The following FBRSL1 variants were observed in gnomAD, a reference collection of about 807,000 sequenced individuals.
FBRSL1 encodes fibrosin like 1.
In FBRSL1, 51 loss-of-function variants were observed where a neutral mutation model predicts 89.6. The observed-to-expected ratio is 0.57, with a 90% CI of 0.45 to 0.72. The LOEUF (loss-of-function observed/expected upper bound fraction) is 0.72. Ranked by LOEUF, FBRSL1 falls within the 30% of genes least tolerant of loss-of-function variation. The pLI, the probability that FBRSL1 is intolerant of heterozygous loss-of-function variation, is 0.00. For missense variants in FBRSL1, 1,618 were observed against 1,451.8 expected (o/e 1.11, Z -1.86); for synonymous variants, 779 against 681.1 (o/e 1.14, Z -2.24).
At chr12:132,503,747 G>T (rs567881323) in intron 1 of FBRSL1, among the ~76,000 whole-genome samples, 7 of 152,364 alleles carry the variant, frequency 4.6e-5, no homozygotes, top group South Asian at 4.1e-4. Flanking sequence ...CAGGTGCTCT[G>T]CAGGGAGAGC....
intron 1 of FBRSL1, among the ~76,000 whole-genome samples, chr12:132,501,224 C>T (rs933831832): frequency 5.9e-5 from 9 of 152,216 alleles, no homozygotes; most frequent in African/African-American, 1.9e-4. Context: ...CCCTACCAGC[C>T]CCTAGCCCCA....
rs780319444 is a variant in FBRSL1 at position 132,582,285 on chromosome 12, C to T, written c.2201+19C>T. The T allele has an allele frequency of 2.3e-5, 36 of 1,546,246 alleles. No homozygotes were observed. The highest frequency in any genetic ancestry group is 1.7e-4 in the Middle Eastern group (1 of 6,002). ...AGGAACGGTGAGTGGCCCTCTTGTT[C>T]CGTATCCCCACCACACACCCCTACC... On this transcript the variant is annotated intron_variant, in intron 18 of 18. Transcript: ENST00000680143.
chr12:132,573,611 C>T (rs904711212), intron 11 of FBRSL1, among the ~76,000 whole-genome samples: 3 of 152,176 alleles, frequency 2.0e-5, no homozygotes, highest in African/African-American at 4.8e-5. Flanking sequence ...AGCACAGCTG[C>T]TTCTGGGCAG....
At chr12:132,551,291 C>T (rs2038134907) in intron 5 of FBRSL1, 3 of 417,238 alleles carry the variant, frequency 7.2e-6, no homozygotes, top group Non-Finnish European at 1.5e-5. Context: ...CCTCAGAGAC[C>T]TCACTCAGAC....
intron 5 of FBRSL1, among the ~76,000 whole-genome samples, chr12:132,557,892 G>A (rs981366729): frequency 6.6e-6 from 1 of 152,214 alleles, no homozygotes; most frequent in Admixed American, 6.5e-5. Flanking sequence ...AGGGGGCTGA[G>A]GATGCACTGG....
chr12:132,495,055 G>A (rs1302474425), intron 1 of FBRSL1, among the ~76,000 whole-genome samples: 1 of 152,252 alleles, frequency 6.6e-6, no homozygotes, highest in Non-Finnish European at 1.5e-5. Context: ...GGCATAGGGT[G>A]TGAGCCTGGA....
At chr12:132,578,343 T>TCACACACA (rs3221291) in intron 15 of FBRSL1, among the ~76,000 whole-genome samples, 78 of 141,108 alleles carry the variant, frequency 5.5e-4, no homozygotes, top group South Asian at 2.2e-3. Context: ...AGACCCTGTC[T>TCACACACA]CACACACACA....
chr12:132,510,202 C>G, intron 2 of FBRSL1: 1 of 1,231,716 alleles, frequency 8.1e-7, no homozygotes, highest in Non-Finnish European at 1.0e-6. Context: ...CCCTGCAAAC[C>G]CCAGCCGTTG....
intron 6 of FBRSL1, 129 bp from the exon 7 acceptor site, chr12:132,569,797 T>G: frequency 1.5e-6 from 1 of 649,178 alleles, no homozygotes; most frequent in East Asian, 3.5e-5. Context: ...TGCCTCCTCA[T>G]CTGAAATGGG....
In FBRSL1 at chr12:132,548,131, C is replaced by T. The variant is rs576993256; in HGVS notation, c.645+99C>T. 5.9e-4 allele frequency: 841 copies of T among 1,436,624 alleles called. 16 individuals carry two copies. In the South Asian group the frequency reaches 7.5e-3, roughly 13 times the overall value. 89.0% of individuals were successfully genotyped at this position (1,436,624 alleles called of 1,614,324 possible). A position where few individuals can be genotyped will look rare whatever the true frequency, so the allele number is the denominator to read the frequency against. On this transcript the variant is annotated intron_variant, in intron 5 of 18. Coordinates refer to ENST00000680143, the MANE Select transcript of FBRSL1 (RefSeq NM_001367871.1). ...GGGCCCTGGAGACCAGGCAGAAGAT[C>T]GGGCCTTGGGGGGATCCCCCCGCCC...
At chr12:132,505,106 G>T (rs1203470704) in intron 1 of FBRSL1, among the ~76,000 whole-genome samples, 1 of 152,028 alleles carries the variant, frequency 6.6e-6, no homozygotes, top group Non-Finnish European at 1.5e-5. Flanking sequence ...AGCCTGGGCA[G>T]CACAGTGAGA....
chr12:132,507,395 A>AC, intron 1 of FBRSL1: 2 of 985,516 alleles, frequency 2.0e-6, no homozygotes, highest in African/African-American at 1.7e-5. Context: ...GAAGGTGCTT[A>AC]CTAGTGGTTT....
At chr12:132,531,661 TTG>T (rs1464778476) in intron 4 of FBRSL1, among the ~76,000 whole-genome samples, 2 of 146,012 alleles carry the variant, frequency 1.4e-5, no homozygotes, top group Non-Finnish European at 3.0e-5. Context: ...GCACTTGGCG[TTG>T]TGTGTTGTGC....
chr12:132,511,305 C>G, intron 2 of FBRSL1: 2 of 985,696 alleles, frequency 2.0e-6, no homozygotes. Context: ...CTCCCGGCTT[C>G]CCCACAGTCC....
intron 2 of FBRSL1, chr12:132,509,350 G>A (rs1004574154): frequency 4.4e-5 from 55 of 1,245,832 alleles, no homozygotes; most frequent in Admixed American, 8.4e-5. Flanking sequence ...CTGGGTCAGC[G>A]CAGCTGGCCC....
chr12:132,549,563 A>G (rs1367268496), intron 5 of FBRSL1, among the ~76,000 whole-genome samples: 1 of 152,098 alleles, frequency 6.6e-6, no homozygotes, highest in Non-Finnish European at 1.5e-5. Context: ...ACCCTCCACA[A>G]CCAAGGGTTG....
rs2040085039 is a variant in FBRSL1 at position 132,572,335 on chromosome 12, C to T, written c.1425C>T (p.Ser475=). 1 of 1,551,130 alleles carries T rather than the reference C, an allele frequency of 6.4e-7. No individual in the cohort carries two copies. The highest frequency in any genetic ancestry group is 2.4e-5 in the East Asian group (1 of 40,906). The change falls in exon 10 of 19, where the codon TCC becomes TCT. Residue 475 remains serine, a synonymous_variant. Transcript: ENST00000680143. ...PKLDSPYFRH[S]SVSFFPSFPP... ...TGGACAGCCCCTACTTCCGACATTCCAGCGTGAGTGTGAGTGTCCCCGAGG... is the reference window on the plus strand; with the variant it reads ...TGGACAGCCCCTACTTCCGACATTCTAGCGTGAGTGTGAGTGTCCCCGAGG...
intron 18 of FBRSL1, 146 bp downstream of exon 18, chr12:132,582,412 C>A (rs554188030): frequency 1.7e-6 from 1 of 598,882 alleles, no homozygotes; most frequent in Non-Finnish European, 3.1e-6. Flanking sequence ...GTTCCCCTTC[C>A]CCGTTCCCCC....
intron 16 of FBRSL1, 36 bp downstream of exon 16, chr12:132,581,552 T>C (rs2040749807): frequency 6.5e-7 from 1 of 1,547,712 alleles, no homozygotes; most frequent in African/African-American, 1.4e-5. Context: ...GCAGCCTGGC[T>C]GGTTCCTCAG....
Sources: gnomAD v4.1 joint callset for allele counts (sites outside exome capture counted in the v4.1 genomes callset) on GRCh38, gnomAD v4.1.1 for gene constraint, MANE v1.5 for transcripts, NCBI Gene and HGNC (gene_info 2026-07-23, HGNC 2026-07-21) for gene names.